Variants in RAB33B observed in about 807,000 individuals in gnomAD.
RAB33B encodes RAB33B, member RAS oncogene family, also known as ras-related protein Rab-33B.
A neutral mutation model predicts 15.0 loss-of-function variants in RAB33B; 6 were observed. That is an observed-to-expected ratio of 0.40 (90% CI 0.22 to 0.79). The LOEUF is 0.79. RAB33B is among the 30% of genes least tolerant of loss of function. The probability of loss-of-function intolerance (pLI) is 0.37; values close to 1 mark genes in which losing one functional copy is unlikely to be tolerated. For missense variants in RAB33B, 257 were observed against 296.4 expected, an observed-to-expected ratio of 0.87 and a Z score of 0.98; for synonymous variants, 117 against 108.3, an observed-to-expected ratio of 1.08 and a Z score of -0.50.
chr4:139,444,652 C>G, the RAB33B span, among the ~76,000 whole-genome samples: 1 of 152,222 alleles, frequency 6.6e-6, no homozygotes, highest in Non-Finnish European at 1.5e-5. Flanking sequence ...CTGTGGTCCT[C>G]TAGTTAACAT....
At position 139,473,105 on chromosome 4, in the gene RAB33B, T is replaced by A; in HGVS notation, c.669T>A (p.Pro223=). The A allele has an allele frequency of 6.2e-7, 1 of 1,603,148 alleles. No individual in the cohort carries two copies. Among genetic ancestry groups the A allele is most frequent in the Non-Finnish European group, 8.5e-7 (1 of 1,174,458 alleles). The change falls in exon 2 of 2, where the codon CCT becomes CCA. Residue 223 remains proline, a synonymous_variant. Transcript: ENST00000305626. ...TTATCCTGAAGCCTGAACCAAAGCC[T>A]GCAATGACGTGCTGGTGCTAAATAA... ...NGIILKPEPK[P]AMTCWC
Position 139,472,795 on chromosome 4 carries a change from C to T in RAB33B, c.359C>T (p.Ala120Val). 2 of 1,614,012 alleles carry T rather than the reference C, an allele frequency of 1.2e-6. No individual in the cohort carries two copies. The highest frequency in any genetic ancestry group is 1.7e-6 in the Non-Finnish European group (2 of 1,179,874). The change falls in exon 2 of 2, where the codon GCT becomes GTT. Residue 120 changes from alanine (A) to valine (V), a missense_variant. Physicochemically the swap from Ala to Val is moderately conservative, Grantham distance 64 (BLOSUM62 0). Transcript: ENST00000305626. ...TTCGTGTATGATATGACCAACATGG[C>T]TAGTTTTCATAGCCTACCATCTTGG... ...VVFVYDMTNM[A>V]SFHSLPSWIE...
At chr4:139,465,833 G>A (rs1214694024) in intron 1 of RAB33B, among the ~76,000 whole-genome samples, 3 of 151,194 alleles carry the variant, frequency 2.0e-5, no homozygotes, top group East Asian at 1.9e-4. Context: ...GGGCTTAAGC[G>A]ATCCTCCCAC....
intron 1 of RAB33B, among the ~76,000 whole-genome samples, chr4:139,467,490 A>G (rs914795937): frequency 6.7e-6 from 1 of 149,548 alleles, no homozygotes. Flanking sequence ...GTTTTGATGC[A>G]GGCATGCAAT....
upstream of RAB33B, chr4:139,451,636 A>C (rs1749928382): frequency 6.6e-6 from 1 of 152,008 alleles, no homozygotes; most frequent in African/African-American, 2.4e-5. Flanking sequence ...TTGGCCTCCC[A>C]AAGCGTTGGG....
intron 1 of RAB33B, among the ~76,000 whole-genome samples, chr4:139,455,307 T>C (rs964219671): frequency 7.9e-5 from 12 of 152,342 alleles, no homozygotes; most frequent in South Asian, 2.1e-4. Flanking sequence ...AAATGCCACC[T>C]GTTGATGCCA....
At chr4:139,446,209 C>T in the RAB33B span, among the ~76,000 whole-genome samples, 18 of 152,234 alleles carry the variant, frequency 1.2e-4, no homozygotes, top group Admixed American at 3.3e-4. Context: ...GAGCCTGCAC[C>T]GATGGCCTCA....
At position 139,454,262 on chromosome 4, in the gene RAB33B, T is replaced by C. The variant is rs1750018019; in HGVS notation, c.67T>C (p.Ser23Pro). 2 of 1,614,128 alleles carry C rather than the reference T, an allele frequency of 1.2e-6. No homozygotes were observed. Among genetic ancestry groups the C allele is most frequent in the Non-Finnish European group, 1.7e-6 (2 of 1,180,002 alleles). Reference sequence around the variant, plus strand: ...GTCCAGCGGGGCAGTGTCAGGGGCCTCAGGGTTTTTGCCTCCTGCCCGCTC... The same window carrying C: ...GTCCAGCGGGGCAGTGTCAGGGGCCCCAGGGTTTTTGCCTCCTGCCCGCTC... ...FSSSGAVSGA[S>P]GFLPPARSRI... Residue 23 changes from serine (S) to proline (P), a missense_variant, in exon 1 of 2, where the codon TCA becomes CCA. Physicochemically the swap from Ser to Pro is moderately conservative, Grantham distance 74 (BLOSUM62 -1). Transcript: ENST00000305626.
chr4:139,466,927 C>T (rs1422510044), intron 1 of RAB33B, among the ~76,000 whole-genome samples: 4 of 140,578 alleles, frequency 2.8e-5, no homozygotes, highest in Non-Finnish European at 4.6e-5. Context: ...TGTGAGTTGT[C>T]TCTTCACTTT....
chr4:139,466,840 A>G (rs953828599), intron 1 of RAB33B, among the ~76,000 whole-genome samples: 1 of 152,098 alleles, frequency 6.6e-6, no homozygotes, highest in African/African-American at 2.4e-5. Context: ...TCGGCCTCCC[A>G]AAGTGCTGGG....
chr4:139,475,148 T>C lies in RAB33B; in HGVS notation c.*2022T>C, dbSNP rs1750477363. ...TGGAATTTAAAAATTGTTTTACTTG[T>C]ATCGAAATTAACCTTGATTTATAAC... On this transcript the variant is annotated 3_prime_UTR_variant, in exon 2 of 2. Transcript: ENST00000305626. 1 of 152,122 alleles carries C rather than the reference T, an allele frequency of 6.6e-6. No homozygotes were observed. 9.4% of individuals were successfully genotyped at this position (152,122 alleles called of 1,614,324 possible).
In RAB33B at chr4:139,473,377, C is replaced by T. The variant is rs1023277266; in HGVS notation, c.*251C>T. On this transcript the variant is annotated 3_prime_UTR_variant, in exon 2 of 2. Transcript: ENST00000305626. ...ATCTGAACATCTCTCCATCTAGAGC[C>T]CAATGAAGGAAGCTTCAAATGAGAA... The T allele has an allele frequency of 2.2e-6, 1 of 459,380 alleles. No homozygotes were observed. The highest frequency in any genetic ancestry group is 4.0e-5 in the South Asian group (1 of 24,702). The allele number at this position is 459,380 out of a possible 1,614,324, so 28.5% of individuals were successfully genotyped here.
rs761803997 is a variant in RAB33B, at chr4:139,454,270, T to C, written c.75T>C (p.Phe25=). 6.2e-7 allele frequency: 1 copy of C among 1,614,114 alleles called. No individual in the cohort carries two copies. Residue 25 remains phenylalanine, a synonymous_variant, in exon 1 of 2, where the codon TTT becomes TTC. Transcript: ENST00000305626. The part of the protein sequence containing the change: ...SSGAVSGASG[F]LPPARSRIFK... ...GGGCAGTGTCAGGGGCCTCAGGGTT[T>C]TTGCCTCCTGCCCGCTCCCGCATCT...
chr4:139,458,461 C>T (rs903503216), intron 1 of RAB33B, among the ~76,000 whole-genome samples: 1 of 152,220 alleles, frequency 6.6e-6, no homozygotes, highest in Non-Finnish European at 1.5e-5. Flanking sequence ...TCCCACCTTC[C>T]ACCCTTCAGG....
chr4:139,460,630 C>A (rs1011815821), intron 1 of RAB33B, among the ~76,000 whole-genome samples: 1 of 152,096 alleles, frequency 6.6e-6, no homozygotes, highest in Non-Finnish European at 1.5e-5. Flanking sequence ...TGGAGAGATA[C>A]CAAACTGGTT....
chr4:139,444,925 A>G, the RAB33B span, among the ~76,000 whole-genome samples: 1 of 152,230 alleles, frequency 6.6e-6, no homozygotes, highest in Non-Finnish European at 1.5e-5. Context: ...ACAGTATCAC[A>G]TCCCTGGAGG....
At chr4:139,443,246 C>T in the RAB33B span, among the ~76,000 whole-genome samples, 1 of 152,198 alleles carries the variant, frequency 6.6e-6, no homozygotes, top group Non-Finnish European at 1.5e-5. Flanking sequence ...CCTGCCTCGG[C>T]CTCCCAAAGT....
chr4:139,449,756 C>CATATATATAT (rs10536077), upstream of RAB33B: 3 of 146,296 alleles, frequency 2.1e-5, no homozygotes, highest in African/African-American at 7.5e-5. Context: ...TAATAAACTC[C>CATATATATAT]ATATATATAT....
At chr4:139,439,322 A>G in the RAB33B span, among the ~76,000 whole-genome samples, 1 of 152,184 alleles carries the variant, frequency 6.6e-6, no homozygotes, top group African/African-American at 2.4e-5. Context: ...CTTGATTGAT[A>G]GACTAAATTT....
Sources: allele counts gnomAD v4.1 joint callset (sites outside exome capture counted in the v4.1 genomes callset), GRCh38; gene constraint gnomAD v4.1.1; transcripts MANE v1.5; gene names NCBI Gene and HGNC (gene_info 2026-07-23, HGNC 2026-07-21).